TANC1: variants seen among roughly 807,000 people sequenced by gnomAD.
TANC1 encodes tetratricopeptide repeat, ankyrin repeat and coiled-coil containing 1.
TANC1 carries 77 observed loss-of-function variants against 149.7 expected under a neutral mutation model. The observed-to-expected ratio is 0.51, with a 90% CI of 0.43 to 0.62. The LOEUF (loss-of-function observed/expected upper bound fraction) is 0.62. Ranked by LOEUF, TANC1 falls within the 20% of genes least tolerant of loss-of-function variation. The pLI is 0.00. For missense variants in TANC1, 1,985 were observed against 2,321.8 expected (o/e 0.85, Z 2.98); for synonymous variants, 854 against 925.0 (o/e 0.92, Z 1.39).
At chr2:159,199,600 C>G (rs1194500549) in intron 19 of TANC1, among the ~76,000 whole-genome samples, 1 of 152,220 alleles carries the variant, frequency 6.6e-6, no homozygotes, top group East Asian at 1.9e-4. Context: ...CTGAGCACAT[C>G]CTGGTGAAGA....
chr2:159,173,491 G>C (rs973530577), intron 11 of TANC1, among the ~76,000 whole-genome samples: 3 of 152,214 alleles, frequency 2.0e-5, no homozygotes, highest in Non-Finnish European at 4.4e-5. Flanking sequence ...TATAATCCCA[G>C]CTACTCGGGA....
chr2:159,141,276 C>G (rs1436056813), intron 5 of TANC1, among the ~76,000 whole-genome samples: 1 of 152,172 alleles, frequency 6.6e-6, no homozygotes, highest in Non-Finnish European at 1.5e-5. Context: ...TATAAGGTCA[C>G]TAATCCCATT....
At chr2:159,131,164 G>A (rs1014662384) in intron 4 of TANC1, among the ~76,000 whole-genome samples, 4 of 152,052 alleles carry the variant, frequency 2.6e-5, no homozygotes, top group South Asian at 2.1e-4. Flanking sequence ...TGGGAGATAC[G>A]TCTCTGGCCC....
chr2:159,132,417 G>A (rs1363530747), intron 4 of TANC1, among the ~76,000 whole-genome samples: 4 of 152,130 alleles, frequency 2.6e-5, no homozygotes, highest in Non-Finnish European at 4.4e-5. Context: ...CACCTTTAGG[G>A]TCTGGGACAT....
chr2:159,036,740 TTC>T (rs2040222073), intron 2 of TANC1, among the ~76,000 whole-genome samples: 1 of 152,234 alleles, frequency 6.6e-6, no homozygotes, highest in African/African-American at 2.4e-5. Context: ...GTGGCACATT[TTC>T]TTAATCCAGT....
chr2:159,065,043 G>T (rs1232712795), intron 2 of TANC1, among the ~76,000 whole-genome samples: 2 of 152,128 alleles, frequency 1.3e-5, no homozygotes, highest in Non-Finnish European at 2.9e-5. Flanking sequence ...ACCATCTGGG[G>T]TTGTTCAGCC....
intron 16 of TANC1, among the ~76,000 whole-genome samples, chr2:159,188,899 A>T (rs1242617042): frequency 6.6e-6 from 1 of 152,208 alleles, no homozygotes; most frequent in African/African-American, 2.4e-5. Flanking sequence ...GAAAATTTCC[A>T]TATCGTTGGG....
rs1452940558 is a variant in TANC1, at chr2:158,997,068, G to A, written c.-125-4012G>A. ...AGTTGCATGACATGGTCACTTAAGA[G>A]AGTGGGGACAGAAAGACATGGACCT... On this transcript the variant is annotated intron_variant, in intron 1 of 26. Transcript: ENST00000263635. Among the ~76,000 whole-genome samples the A allele has an allele frequency of 5.3e-5, 8 of 152,078 alleles. No individual in the cohort carries two copies. The East Asian group carries it at 1.5e-3, about 29-fold the overall frequency.
At chr2:159,065,640 G>GTTTTTTTTTTTTTT (rs34624412) in intron 2 of TANC1, among the ~76,000 whole-genome samples, 1 of 136,198 alleles carries the variant, frequency 7.3e-6, no homozygotes. Flanking sequence ...ATGCACTATT[G>GTTTTTTTTTTTTTT]TTTTTTTTTT....
intron 1 of TANC1, among the ~76,000 whole-genome samples, chr2:158,984,527 AG>A (rs2034788499): frequency 6.6e-6 from 1 of 152,122 alleles, no homozygotes; most frequent in Admixed American, 6.5e-5. Context: ...CGGGTGGTGG[AG>A]GTCTTGTATT....
chr2:158,972,624 G>T lies in TANC1; in HGVS notation c.-126+3842G>T, dbSNP rs576278549. ...TGTGTTAAGCTGTAGGCTCTTTTAT[G>T]TCTGAGCAGCTTGTCCATCTTCAGC... On this transcript the variant is annotated intron_variant, in intron 1 of 26. Coordinates refer to ENST00000263635, the MANE Select transcript of TANC1 (RefSeq NM_033394.3). 3.4e-3 allele frequency among the ~76,000 whole-genome samples: 520 copies of T among 152,304 alleles called. 2 individuals are homozygous for T. The highest frequency in any genetic ancestry group is 8.2e-3 in the Admixed American group (125 of 15,300).
intron 4 of TANC1, among the ~76,000 whole-genome samples, chr2:159,127,081 A>T (rs1289393448): frequency 6.6e-6 from 1 of 152,222 alleles, no homozygotes; most frequent in Non-Finnish European, 1.5e-5. Flanking sequence ...TGAAAGTGTT[A>T]ACATTTATTT....
intron 19 of TANC1, among the ~76,000 whole-genome samples, chr2:159,205,888 C>T (rs774200351): frequency 5.3e-5 from 8 of 152,160 alleles, no homozygotes; most frequent in South Asian, 2.1e-4. Flanking sequence ...TTACATGGAA[C>T]GCACATGGAG....
chr2:159,154,007 A>G (rs1183698984), intron 7 of TANC1, among the ~76,000 whole-genome samples: 2 of 152,194 alleles, frequency 1.3e-5, no homozygotes, highest in Non-Finnish European at 2.9e-5. Context: ...GCTCCCAATT[A>G]CACAGGGCCT....
chr2:159,056,057 C>A, intron 2 of TANC1: 1 of 316,676 alleles, frequency 3.2e-6, no homozygotes, highest in South Asian at 3.7e-5. Flanking sequence ...AAGAAGCAGT[C>A]AGACTGCATG....
intron 5 of TANC1, chr2:159,148,909 C>T (rs1403200207): frequency 5.0e-6 from 2 of 397,374 alleles, no homozygotes; most frequent in Non-Finnish European, 8.9e-6. Flanking sequence ...TAACACTGGG[C>T]TCTTCTCACT....
chr2:159,117,701 C>CTTTTTTTTTT (rs59509568), intron 4 of TANC1, among the ~76,000 whole-genome samples: 26 of 113,264 alleles, frequency 2.3e-4, no homozygotes, highest in African/African-American at 9.6e-4. Context: ...CGGCCTATTC[C>CTTTTTTTTTT]TTTTTTTTTT....
intron 2 of TANC1, among the ~76,000 whole-genome samples, chr2:159,019,737 C>G (rs2038649226): frequency 7.7e-6 from 1 of 130,298 alleles, no homozygotes; most frequent in South Asian, 2.4e-4. Context: ...GGCATGATCT[C>G]TGCTCACAAA....
At chr2:159,198,596 G>A (rs1402661539) in intron 18 of TANC1, among the ~76,000 whole-genome samples, 1 of 152,164 alleles carries the variant, frequency 6.6e-6, no homozygotes, top group Non-Finnish European at 1.5e-5. Flanking sequence ...AACGTATATC[G>A]CTTTGTTTTC....
Sources: allele counts gnomAD v4.1 joint callset (sites outside exome capture counted in the v4.1 genomes callset), GRCh38; gene constraint gnomAD v4.1.1; transcripts MANE v1.5; gene names NCBI Gene and HGNC (gene_info 2026-07-23, HGNC 2026-07-21).